The following APP variants were observed in gnomAD, a reference collection of about 807,000 sequenced individuals.
APP encodes the protein amyloid-beta precursor protein.
APP carries 31 observed loss-of-function variants against 101.4 expected under a neutral mutation model. The observed-to-expected ratio is 0.31, with a 90% CI of 0.23 to 0.41. The LOEUF is 0.41. APP is among the 10% of genes least tolerant of loss of function. APP has a pLI of 1.00. For missense variants in APP, 839 were observed against 1,003.7 expected (o/e 0.84, Z 2.22); for synonymous variants, 366 against 364.4 (o/e 1.00, Z -0.05).
intron 11 of APP, among the ~76,000 whole-genome samples, chr21:25,956,518 C>T (rs2041328875): frequency 6.6e-6 from 1 of 152,200 alleles, no homozygotes; most frequent in Admixed American, 6.5e-5. Flanking sequence ...TATATGCATT[C>T]CACTACATGA....
chr21:25,936,060 T>TA (rs1434628015), intron 13 of APP, among the ~76,000 whole-genome samples: 3 of 152,058 alleles, frequency 2.0e-5, no homozygotes, highest in African/African-American at 7.2e-5. Context: ...AAATAGACAG[T>TA]AGCTGAGGAA....
chr21:25,910,452 A>G (rs898294512), intron 14 of APP, among the ~76,000 whole-genome samples: 6 of 152,216 alleles, frequency 3.9e-5, no homozygotes, highest in Non-Finnish European at 7.3e-5. Flanking sequence ...TATAAATATG[A>G]AATCTCCATC....
At chr21:25,957,730 G>A (rs759466772) in intron 11 of APP, among the ~76,000 whole-genome samples, 1 of 151,850 alleles carries the variant, frequency 6.6e-6, no homozygotes, top group East Asian at 1.9e-4. Context: ...AAAAAAGTAA[G>A]GATTGCTTTG....
intron 5 of APP, among the ~76,000 whole-genome samples, chr21:26,032,698 ATTTCT>A (rs962871851): frequency 1.3e-5 from 2 of 151,772 alleles, no homozygotes; most frequent in Non-Finnish European, 2.9e-5. Flanking sequence ...TACTTATGAC[ATTTCT>A]TTTCTTTTTA....
intron 14 of APP, among the ~76,000 whole-genome samples, chr21:25,905,346 A>G (rs999857225): frequency 6.6e-6 from 1 of 152,194 alleles, no homozygotes; most frequent in Non-Finnish European, 1.5e-5. Context: ...AGCAACATCA[A>G]AGAAGAGGGG....
chr21:25,978,867 G>A lies in APP; in HGVS notation c.1225-2839C>T, dbSNP rs1173148603. The stretch of plus-strand genomic sequence containing the variant: ...CTGGGGAGGCTGAGGCAGGAGAATC[G>A]CTTGAACCAGGGAGTTGGAGGTTGC... On this transcript the variant is annotated intron_variant, in intron 9 of 17. Coordinates refer to ENST00000346798, the MANE Select transcript of APP (RefSeq NM_000484.4). Among the ~76,000 whole-genome samples the A allele has an allele frequency of 5.3e-5, 8 of 152,270 alleles. No homozygotes were observed. In the South Asian group the frequency reaches 1.5e-3, roughly 28 times the overall value.
intron 1 of APP, among the ~76,000 whole-genome samples, chr21:26,119,383 C>CTAGA (rs1438729800): frequency 3.9e-5 from 6 of 152,216 alleles, no homozygotes; most frequent in South Asian, 2.1e-4. Flanking sequence ...ATTTAAATCA[C>CTAGA]TAGATGTTAA....
At chr21:26,091,320 G>A (rs1411912219) in intron 2 of APP, among the ~76,000 whole-genome samples, 1 of 152,174 alleles carries the variant, frequency 6.6e-6, no homozygotes, top group African/African-American at 2.4e-5. Flanking sequence ...AGAATGTATG[G>A]CGCACAGGAC....
intron 14 of APP, among the ~76,000 whole-genome samples, chr21:25,907,883 T>C (rs772103170): frequency 1.3e-5 from 2 of 152,238 alleles, no homozygotes; most frequent in African/African-American, 2.4e-5. Flanking sequence ...GGCTTCCTCA[T>C]TGCCTCTATA....
chr21:26,004,883 A>G (rs2043461746), intron 6 of APP, among the ~76,000 whole-genome samples: 2 of 136,456 alleles, frequency 1.5e-5, no homozygotes, highest in African/African-American at 5.6e-5. Context: ...ATTTCCACCT[A>G]TGAGTGAGAA....
chr21:26,133,220 C>A (rs1445286564), intron 1 of APP, among the ~76,000 whole-genome samples: 1 of 152,114 alleles, frequency 6.6e-6, no homozygotes, highest in Non-Finnish European at 1.5e-5. Flanking sequence ...CAGAGTAAAA[C>A]CCTGCCCCAT....
At chr21:26,136,693 A>C (rs747921000) in intron 1 of APP, among the ~76,000 whole-genome samples, 1 of 151,974 alleles carries the variant, frequency 6.6e-6, no homozygotes, top group African/African-American at 2.4e-5. Flanking sequence ...CTGAGCTTTG[A>C]GCAACTTACA....
chr21:26,164,417 C>G (rs1035302832), intron 1 of APP, among the ~76,000 whole-genome samples: 50 of 152,188 alleles, frequency 3.3e-4, no homozygotes, highest in Non-Finnish European at 2.5e-4. Context: ...TCCATTTCTA[C>G]CCAGATTGGC....
chr21:26,161,051 A>G (rs1454625635), intron 1 of APP, among the ~76,000 whole-genome samples: 1 of 152,198 alleles, frequency 6.6e-6, no homozygotes, highest in Non-Finnish European at 1.5e-5. Context: ...AGCTGTTCGA[A>G]TCTTCAATCT....
chr21:25,916,162 C>T (rs142287850), intron 13 of APP, among the ~76,000 whole-genome samples: 13 of 152,094 alleles, frequency 8.5e-5, no homozygotes, highest in African/African-American at 2.4e-4. Flanking sequence ...CTACCATGAC[C>T]GGATAGTTTT....
intron 1 of APP, among the ~76,000 whole-genome samples, chr21:26,142,255 G>A (rs562700578): frequency 6.6e-6 from 1 of 152,242 alleles, no homozygotes; most frequent in South Asian, 2.1e-4. Flanking sequence ...CCACCAATCT[G>A]AGCATGTTGT....
rs1404718083 is a variant in APP at position 26,092,604 on chromosome 21, C to T, written c.226-2532G>A. Among the ~76,000 whole-genome samples the T allele has an allele frequency of 2.6e-5, 4 of 152,232 alleles. No homozygotes were observed. In the East Asian group the frequency reaches 7.7e-4, roughly 29 times the overall value. On this transcript the variant is annotated intron_variant, in intron 2 of 17. Coordinates refer to ENST00000346798, the MANE Select transcript of APP (RefSeq NM_000484.4). ...CTCTGTATGGTACTACAATGATGGA[C>T]ATATGTCATTATACATTTGTCCAAA... is the stretch of plus-strand genomic sequence containing the variant.
chr21:25,896,391 C>T (rs1189129016), intron 16 of APP, among the ~76,000 whole-genome samples: 1 of 151,686 alleles, frequency 6.6e-6, no homozygotes, highest in African/African-American at 2.4e-5. Flanking sequence ...ATTGAAAAGA[C>T]ATTTTCTGCT....
chr21:25,893,194 T>A (rs963149090), intron 16 of APP, among the ~76,000 whole-genome samples: 1 of 152,146 alleles, frequency 6.6e-6, no homozygotes, highest in Non-Finnish European at 1.5e-5. Flanking sequence ...ACTAAATCAA[T>A]AAATGTTGTG....
Sources: allele counts gnomAD v4.1 joint callset (sites outside exome capture counted in the v4.1 genomes callset), GRCh38; gene constraint gnomAD v4.1.1; transcripts MANE v1.5; gene names NCBI Gene and HGNC (gene_info 2026-07-23, HGNC 2026-07-21).